REDIC1: variants seen among roughly 807,000 people sequenced by gnomAD.
The protein encoded by REDIC1 is regulator of DNA class I crossover intermediates 1.
At chr12:39,698,232 A>G in the REDIC1 span, among the ~76,000 whole-genome samples, 1 of 152,190 alleles carries the variant, frequency 6.6e-6, no homozygotes, top group Non-Finnish European at 1.5e-5. Flanking sequence ...AGACCATTAA[A>G]GAGGTAGTTA....
chr12:39,637,372 C>T, the REDIC1 span, among the ~76,000 whole-genome samples: 1,287 of 152,048 alleles, frequency 8.5e-3, 23 homozygotes, highest in African/African-American at 0.029. Flanking sequence ...TCCAGAATAA[C>T]GTAGTAATTA....
chr12:39,848,423 A>G, the REDIC1 span, among the ~76,000 whole-genome samples: 3 of 152,212 alleles, frequency 2.0e-5, no homozygotes, highest in Non-Finnish European at 4.4e-5. Flanking sequence ...ATATGAAAAA[A>G]ATTCCATATC....
At chr12:39,711,591 A>ATGTGTATACACGTATGTG in the REDIC1 span, among the ~76,000 whole-genome samples, 1 of 26,062 alleles carries the variant, frequency 3.8e-5, no homozygotes, top group African/African-American at 7.6e-5. Flanking sequence ...ATGCATGTGT[A>ATGTGTATACACGTATGTG]TATGTGTATA....
chr12:39,788,445 A>C, the REDIC1 span: 1 of 152,172 alleles, frequency 6.6e-6, no homozygotes, highest in Non-Finnish European at 1.5e-5. Context: ...GCATGGATAT[A>C]CTGGACAAAG....
the REDIC1 span, among the ~76,000 whole-genome samples, chr12:39,881,369 G>T: frequency 6.6e-6 from 1 of 152,000 alleles, no homozygotes; most frequent in Admixed American, 6.6e-5. Context: ...TGGATATGAT[G>T]AATTATTGTA....
chr12:39,726,925 CT>C, the REDIC1 span, among the ~76,000 whole-genome samples: 5 of 152,196 alleles, frequency 3.3e-5, no homozygotes, highest in African/African-American at 4.8e-5. Flanking sequence ...CGATGATGAG[CT>C]TTTTTTCCTG....
At chr12:39,879,458 A>C in the REDIC1 span, among the ~76,000 whole-genome samples, 2 of 152,226 alleles carry the variant, frequency 1.3e-5, no homozygotes, top group Non-Finnish European at 2.9e-5. Context: ...AAGGTGCCCA[A>C]GGCCTTGGGA....
At chr12:39,764,790 T>G in the REDIC1 span, 2 of 1,612,458 alleles carry the variant, frequency 1.2e-6, no homozygotes, top group African/African-American at 1.3e-5. Flanking sequence ...AGTCCAGGAG[T>G]ATGGAGTAGG....
chr12:39,757,426 G>T, the REDIC1 span: 1 of 151,550 alleles, frequency 6.6e-6, no homozygotes, highest in Non-Finnish European at 1.5e-5. Flanking sequence ...AACTTAAAAG[G>T]TGCCTAATAT....
chr12:39,699,465 C>T, the REDIC1 span, among the ~76,000 whole-genome samples: 8 of 152,328 alleles, frequency 5.3e-5, no homozygotes, highest in Admixed American at 3.9e-4. Flanking sequence ...CAGGGAGTCT[C>T]TCTGATTGCT....
chr12:39,871,570 A>G, the REDIC1 span, among the ~76,000 whole-genome samples: 140 of 152,248 alleles, frequency 9.2e-4, no homozygotes, highest in African/African-American at 3.3e-3. Flanking sequence ...AGTAGATCCA[A>G]ATTATTCTTG....
chr12:39,842,052 T>A, the REDIC1 span, among the ~76,000 whole-genome samples: 1 of 152,062 alleles, frequency 6.6e-6, no homozygotes, highest in Non-Finnish European at 1.5e-5. Context: ...AAACCTCAGA[T>A]TTACAGAGGT....
At chr12:39,643,839 G>A in the REDIC1 span, 1 of 1,567,624 alleles carries the variant, frequency 6.4e-7, no homozygotes, top group Non-Finnish European at 8.7e-7. Flanking sequence ...TTTATCTCCT[G>A]TCAAAAATTC....
the REDIC1 span, among the ~76,000 whole-genome samples, chr12:39,739,139 C>G: frequency 6.6e-6 from 1 of 152,072 alleles, no homozygotes; most frequent in Non-Finnish European, 1.5e-5. Flanking sequence ...TTAATTTCAT[C>G]TGACTTTATA....
the REDIC1 span, among the ~76,000 whole-genome samples, chr12:39,678,651 G>C: frequency 9.4e-6 from 1 of 106,474 alleles, no homozygotes; most frequent in African/African-American, 3.5e-5. Flanking sequence ...AAAAAAAAAG[G>C]AAACTATAGA....
At chr12:39,713,351 T>A in the REDIC1 span, among the ~76,000 whole-genome samples, 1 of 130,244 alleles carries the variant, frequency 7.7e-6, no homozygotes, top group Non-Finnish European at 1.7e-5. Context: ...TATATGTGTA[T>A]ACACATATAC....
the REDIC1 span, among the ~76,000 whole-genome samples, chr12:39,636,888 CAT>C: frequency 6.6e-6 from 1 of 151,762 alleles, no homozygotes; most frequent in African/African-American, 2.4e-5. Context: ...TTTTTTTAAA[CAT>C]TTCTTTGGTA....
the REDIC1 span, among the ~76,000 whole-genome samples, chr12:39,713,468 A>G: frequency 6.7e-6 from 1 of 149,778 alleles, no homozygotes; most frequent in East Asian, 2.0e-4. Flanking sequence ...ATTTGTATAT[A>G]TACATGTATA....
At chr12:39,891,124 T>C in the REDIC1 span, among the ~76,000 whole-genome samples, 2 of 150,968 alleles carry the variant, frequency 1.3e-5, no homozygotes, top group East Asian at 3.9e-4. Flanking sequence ...ATATACCTTT[T>C]TTTTTTTAAC....
Sources: allele counts gnomAD v4.1 joint callset (sites outside exome capture counted in the v4.1 genomes callset), GRCh38; gene constraint gnomAD v4.1.1; transcripts MANE v1.5; gene names NCBI Gene and HGNC (gene_info 2026-07-23, HGNC 2026-07-21).